Variants in NAALADL2 observed in about 807,000 individuals in gnomAD.
NAALADL2 encodes N-acetylated alpha-linked acidic dipeptidase like 2, also known as inactive N-acetylated-alpha-linked acidic dipeptidase-like protein 2.
NAALADL2 carries 76 observed loss-of-function variants against 87.2 expected under a neutral mutation model. That is an observed-to-expected ratio of 0.87 (90% CI 0.72 to 1.05). The LOEUF (loss-of-function observed/expected upper bound fraction) is 1.05, where lower values mean the gene tolerates loss of function less well. Among genes scored for constraint, NAALADL2 ranks in the 50% least tolerant of loss-of-function variants. The probability of loss-of-function intolerance (pLI) is 0.00; values close to 1 mark genes in which losing one functional copy is unlikely to be tolerated. For missense variants in NAALADL2, 1,089 were observed against 945.8 expected (o/e 1.15, Z -1.99); for synonymous variants, 354 against 331.0 (o/e 1.07, Z -0.75).
At chr3:175,770,740 T>C (rs1005133914) in intron 13 of NAALADL2, among the ~76,000 whole-genome samples, 9 of 152,206 alleles carry the variant, frequency 5.9e-5, no homozygotes, top group Admixed American at 1.3e-4. Context: ...TTGGATGATA[T>C]GCTAACTCAA....
At chr3:175,144,478 TAC>T (rs1293317103) in intron 2 of NAALADL2, among the ~76,000 whole-genome samples, 1 of 151,968 alleles carries the variant, frequency 6.6e-6, no homozygotes, top group African/African-American at 2.4e-5. Flanking sequence ...ACAAAAGTAA[TAC>T]AGTCTAAAGT....
At chr3:175,649,168 G>A (rs1250502161) in intron 11 of NAALADL2, among the ~76,000 whole-genome samples, 1 of 152,082 alleles carries the variant, frequency 6.6e-6, no homozygotes, top group Non-Finnish European at 1.5e-5. Flanking sequence ...TTTTAACTCA[G>A]TGTACTCTGT....
At chr3:175,065,251 G>T (rs970084699) in intron 1 of NAALADL2, among the ~76,000 whole-genome samples, 2 of 152,102 alleles carry the variant, frequency 1.3e-5, no homozygotes, top group African/African-American at 4.8e-5. Flanking sequence ...ACAACCTAGT[G>T]CTTCTATTGT....
At chr3:174,805,727 C>T in intron 3 of NAALADL2, among the ~76,000 whole-genome samples, 1 of 151,962 alleles carries the variant, frequency 6.6e-6, no homozygotes, top group East Asian at 1.9e-4. Context: ...TTGGAGAACC[C>T]AATGAATTAT....
At chr3:174,964,377 C>T (rs1321804690) in intron 1 of NAALADL2, among the ~76,000 whole-genome samples, 2 of 151,888 alleles carry the variant, frequency 1.3e-5, no homozygotes, top group African/African-American at 4.8e-5. Flanking sequence ...ATGAATATGA[C>T]TAGAGCCTAT....
chr3:175,471,524 T>C, intron 8 of NAALADL2, 115 bp from the exon 9 acceptor site: 2 of 646,850 alleles, frequency 3.1e-6, no homozygotes, highest in Non-Finnish European at 2.7e-6. Flanking sequence ...AAGGTAATTA[T>C]GCAATATAAT....
At chr3:174,653,136 G>A (rs369597905) in intron 2 of NAALADL2, among the ~76,000 whole-genome samples, 1 of 152,096 alleles carries the variant, frequency 6.6e-6, no homozygotes, top group African/African-American at 2.4e-5. Flanking sequence ...TGAAAGACTG[G>A]CAGTATCTGT....
intron 1 of NAALADL2, among the ~76,000 whole-genome samples, chr3:174,884,922 T>G (rs1298000120): frequency 1.3e-5 from 2 of 152,054 alleles, no homozygotes; most frequent in Non-Finnish European, 2.9e-5. Flanking sequence ...AGAATCCACA[T>G]TTTCTTGCCT....
intron 5 of NAALADL2, among the ~76,000 whole-genome samples, chr3:175,440,159 C>T (rs190112876): frequency 2.6e-5 from 4 of 152,142 alleles, no homozygotes; most frequent in East Asian, 3.9e-4. Context: ...CCCCACTTTT[C>T]GTTTTTGTTT....
chr3:175,686,197 T>C (rs1303191134), intron 11 of NAALADL2, among the ~76,000 whole-genome samples: 8 of 152,230 alleles, frequency 5.3e-5, no homozygotes, highest in South Asian at 2.1e-4. Flanking sequence ...TTAGATGATG[T>C]CTAACTACTA....
intron 2 of NAALADL2, among the ~76,000 whole-genome samples, chr3:174,614,120 T>G (rs1020367777): frequency 3.9e-5 from 6 of 152,094 alleles, no homozygotes; most frequent in African/African-American, 1.2e-4. Flanking sequence ...AGGGCCTTTT[T>G]TAGAGTTGTG....
At chr3:175,554,128 A>G (rs1714883757) in intron 9 of NAALADL2, among the ~76,000 whole-genome samples, 3 of 152,126 alleles carry the variant, frequency 2.0e-5, no homozygotes, top group African/African-American at 4.8e-5. Context: ...GACCAAGGAG[A>G]CAAGCATTCT....
At chr3:175,414,860 G>C (rs543587028) in intron 5 of NAALADL2, among the ~76,000 whole-genome samples, 53 of 152,242 alleles carry the variant, frequency 3.5e-4, no homozygotes, top group Admixed American at 3.0e-3. Context: ...AGCTCACTTT[G>C]CAAAGACAAA....
intron 3 of NAALADL2, among the ~76,000 whole-genome samples, chr3:174,799,596 G>A (rs1314197342): frequency 6.6e-6 from 1 of 152,112 alleles, no homozygotes; most frequent in Non-Finnish European, 1.5e-5. Flanking sequence ...TCTGTAAATT[G>A]TCCAGTCTTT....
intron 10 of NAALADL2, among the ~76,000 whole-genome samples, chr3:175,579,085 C>CTTTCAAAG (rs1265717840): frequency 2.0e-5 from 3 of 152,184 alleles, no homozygotes; most frequent in Non-Finnish European, 2.9e-5. Flanking sequence ...GCTGCTTCCA[C>CTTTCAAAG]TTTCAAAGGG....
At chr3:175,641,915 A>G (rs1227468138) in intron 11 of NAALADL2, among the ~76,000 whole-genome samples, 1 of 152,214 alleles carries the variant, frequency 6.6e-6, no homozygotes, top group African/African-American at 2.4e-5. Context: ...TACCATTAAA[A>G]ATGAAACTAT....
intron 3 of NAALADL2, among the ~76,000 whole-genome samples, chr3:174,843,526 A>G (rs1476034070): frequency 6.6e-6 from 1 of 152,134 alleles, no homozygotes; most frequent in Non-Finnish European, 1.5e-5. Context: ...TTTTCAACAT[A>G]CTAATTTCAC....
Position 175,234,205 on chromosome 3 carries a change from G to C in NAALADL2, c.819+1G>C. The C allele has an allele frequency of 1.2e-6, 2 of 1,612,390 alleles. No homozygotes were observed. The stretch of plus-strand genomic sequence containing the variant: ...CTATTCTGCCAAAGGAACTCTCAAG[G>C]TAATATGACCATTTGTCTCTGTCAT... On this transcript the variant is annotated splice_donor_variant, in intron 3 of 13. Transcript: ENST00000454872. LOFTEE classifies it high-confidence loss of function.
intron 1 of NAALADL2, among the ~76,000 whole-genome samples, chr3:174,512,746 A>G (rs1311210170): frequency 6.6e-6 from 1 of 151,874 alleles, no homozygotes; most frequent in East Asian, 2.0e-4. Context: ...CCTCTTGGAG[A>G]CTGCATGGGG....
Sources: allele counts gnomAD v4.1 joint callset (sites outside exome capture counted in the v4.1 genomes callset), GRCh38; gene constraint gnomAD v4.1.1; transcripts MANE v1.5; gene names NCBI Gene and HGNC (gene_info 2026-07-23, HGNC 2026-07-21).